Variants in SPATA13 observed in about 807,000 individuals in gnomAD.
SPATA13 encodes spermatogenesis associated 13.
In SPATA13, 50 loss-of-function variants were observed where a neutral mutation model predicts 104.0. That is an observed-to-expected ratio of 0.48 (90% CI 0.38 to 0.61). The LOEUF is 0.61. Ranked by LOEUF, SPATA13 falls within the 20% of genes least tolerant of loss-of-function variation. The pLI is 0.00. For synonymous variants in SPATA13, 606 were observed against 667.5 expected, an observed-to-expected ratio of 0.91 and a Z score of 1.42; for missense variants, 1,524 against 1,690.6, an observed-to-expected ratio of 0.90 and a Z score of 1.73.
chr13:24,233,011 T>C (rs1348711343), intron 2 of SPATA13, among the ~76,000 whole-genome samples: 1 of 152,240 alleles, frequency 6.6e-6, no homozygotes, highest in Non-Finnish European at 1.5e-5. Context: ...TACATTTAGG[T>C]ATATGCCCCA....
intron 3 of SPATA13, among the ~76,000 whole-genome samples, chr13:24,110,998 C>T (rs1880621233): frequency 6.6e-6 from 1 of 152,110 alleles, no homozygotes; most frequent in Admixed American, 6.5e-5. Context: ...GCCTCGAACT[C>T]CTGAACTCCA....
At chr13:24,295,539 G>A (rs1566200942) in intron 10 of SPATA13, among the ~76,000 whole-genome samples, 1 of 152,180 alleles carries the variant, frequency 6.6e-6, no homozygotes, top group Non-Finnish European at 1.5e-5. Context: ...TTGAGCCTAG[G>A]AGGTTGAGGC....
chr13:24,267,449 T>A (rs1255696426), intron 4 of SPATA13, among the ~76,000 whole-genome samples: 1 of 152,206 alleles, frequency 6.6e-6, no homozygotes, highest in Non-Finnish European at 1.5e-5. Context: ...GATGTTAGTC[T>A]AGTGCCCTGA....
At chr13:24,115,665 A>C (rs769423276) in intron 3 of SPATA13, among the ~76,000 whole-genome samples, 23 of 152,174 alleles carry the variant, frequency 1.5e-4, no homozygotes, top group Non-Finnish European at 3.1e-4. Flanking sequence ...CGCAATGAAC[A>C]TTCATCATCC....
chr13:24,244,597 C>T (rs1433827556), intron 2 of SPATA13, among the ~76,000 whole-genome samples: 1 of 152,220 alleles, frequency 6.6e-6, no homozygotes, highest in East Asian at 1.9e-4. Flanking sequence ...CTGTGGTTCA[C>T]ACCTGTAATC....
chr13:24,085,028 C>G (rs895853933), intron 3 of SPATA13, among the ~76,000 whole-genome samples: 2 of 152,146 alleles, frequency 1.3e-5, no homozygotes, highest in East Asian at 3.9e-4. Flanking sequence ...CCTGTGTGTT[C>G]GCAGTCGCCT....
intron 2 of SPATA13, among the ~76,000 whole-genome samples, chr13:23,986,067 C>T (rs1014740184): frequency 7.9e-5 from 12 of 152,290 alleles, no homozygotes; most frequent in Admixed American, 6.5e-4. Flanking sequence ...TCGCTCATTC[C>T]ACCCTTCCTG....
At chr13:24,301,972 A>G (rs1454999077) in intron 12 of SPATA13, among the ~76,000 whole-genome samples, 2 of 152,196 alleles carry the variant, frequency 1.3e-5, no homozygotes, top group Non-Finnish European at 2.9e-5. Context: ...TAGAGAAATC[A>G]TATCATTTCC....
intron 3 of SPATA13, among the ~76,000 whole-genome samples, chr13:24,109,668 C>T (rs577972986): frequency 5.9e-5 from 9 of 152,244 alleles, no homozygotes; most frequent in South Asian, 2.1e-4. Context: ...CTAGAACCTA[C>T]GGAAACTCTT....
At chr13:24,013,600 A>G (rs1270195249) in intron 2 of SPATA13, among the ~76,000 whole-genome samples, 1 of 152,082 alleles carries the variant, frequency 6.6e-6, no homozygotes, top group East Asian at 1.9e-4. Context: ...ATTGATCTCT[A>G]ATTTGCCTTT....
At chr13:23,982,051 TA>T (rs1314477539) in intron 1 of SPATA13, among the ~76,000 whole-genome samples, 2 of 152,254 alleles carry the variant, frequency 1.3e-5, no homozygotes, top group African/African-American at 4.8e-5. Context: ...TTCATGATTT[TA>T]AAACATGTAA....
At chr13:24,251,633 G>C in intron 3 of SPATA13, 85 bp from the exon 4 acceptor site, 2 of 1,548,684 alleles carry the variant, frequency 1.3e-6, no homozygotes, top group Non-Finnish European at 1.7e-6. Flanking sequence ...GAGTGGCTTC[G>C]AGGTGAGAGC....
intron 2 of SPATA13, among the ~76,000 whole-genome samples, chr13:24,014,529 G>A (rs1876622977): frequency 6.6e-6 from 1 of 152,202 alleles, no homozygotes; most frequent in African/African-American, 2.4e-5. Context: ...TTACAATAAA[G>A]TAAGCTAGAG....
intron 3 of SPATA13, among the ~76,000 whole-genome samples, chr13:24,154,812 T>C (rs1000758629): frequency 6.6e-6 from 1 of 152,224 alleles, no homozygotes; most frequent in Admixed American, 6.5e-5. Flanking sequence ...TCATTCTTAG[T>C]GTCGACAGAA....
intron 1 of SPATA13, among the ~76,000 whole-genome samples, chr13:24,175,801 C>G (rs1868402294): frequency 6.6e-6 from 1 of 152,192 alleles, no homozygotes; most frequent in South Asian, 2.1e-4. Flanking sequence ...ATCTAGGTGT[C>G]ATTTTTCTTC....
intron 4 of SPATA13, among the ~76,000 whole-genome samples, chr13:24,273,403 A>G (rs993602997): frequency 1.4e-4 from 22 of 152,332 alleles, no homozygotes; most frequent in African/African-American, 5.3e-4. Context: ...GAGAGTTAAT[A>G]TGTCAGTTTC....
At chr13:24,174,334 T>C (rs1181136219) in intron 1 of SPATA13, among the ~76,000 whole-genome samples, 3 of 152,086 alleles carry the variant, frequency 2.0e-5, no homozygotes, top group African/African-American at 7.2e-5. Context: ...TTCTTTTATA[T>C]CTGCTCTTAC....
intron 1 of SPATA13, among the ~76,000 whole-genome samples, chr13:24,175,419 T>C (rs1883176582): frequency 6.6e-6 from 1 of 152,124 alleles, no homozygotes; most frequent in Admixed American, 6.5e-5. Context: ...TGTTCTCTAT[T>C]GATAATTTAG....
At chr13:24,245,356 T>C (rs1254481246) in intron 2 of SPATA13, among the ~76,000 whole-genome samples, 1 of 152,212 alleles carries the variant, frequency 6.6e-6, no homozygotes, top group East Asian at 1.9e-4. Flanking sequence ...TTTAACCGTC[T>C]TTTGGCGAAT....
Sources: gnomAD v4.1 joint callset for allele counts (sites outside exome capture counted in the v4.1 genomes callset) on GRCh38, gnomAD v4.1.1 for gene constraint, MANE v1.5 for transcripts, NCBI Gene and HGNC (gene_info 2026-07-23, HGNC 2026-07-21) for gene names.